Variants in USP46 observed in about 807,000 individuals in gnomAD.
The protein encoded by USP46 is ubiquitin specific peptidase 46.
A neutral mutation model predicts 44.4 loss-of-function variants in USP46; 12 were observed. The ratio of observed to expected loss-of-function variants is 0.27; its 90% confidence interval spans 0.17 to 0.44. USP46 has a LOEUF of 0.44. USP46 is among the 20% of genes least tolerant of loss of function. The pLI, the probability that USP46 is intolerant of heterozygous loss-of-function variation, is 1.00. For missense variants in USP46, 248 were observed against 444.8 expected, an observed-to-expected ratio of 0.56 and a Z score of 3.98; for synonymous variants, 155 against 161.5, an observed-to-expected ratio of 0.96 and a Z score of 0.31.
intron 1 of USP46, among the ~76,000 whole-genome samples, chr4:52,643,950 A>T (rs1266459641): frequency 6.6e-6 from 1 of 152,138 alleles, no homozygotes; most frequent in Non-Finnish European, 1.5e-5. Context: ...TTAGCTACAG[A>T]TGTAAGGCTT....
In USP46 at chr4:52,629,065, ATAAC is replaced by A. The variant is rs531748201; in HGVS notation, c.118-906_118-903del. On this transcript the variant is annotated intron_variant, in intron 2 of 8. Transcript: ENST00000441222. ...ATTTAAAGAAAAAAATTCTAAGGAA[ATAAC>A]TAACAAGATTAATAACACAGATTAT... 3.0e-4 allele frequency among the ~76,000 whole-genome samples: 46 copies of A among 152,370 alleles called. No individual in the cohort carries two copies. The South Asian group carries it at 8.5e-3, about 28-fold the overall frequency.
chr4:52,651,858 C>CA (rs1315865156), intron 1 of USP46, among the ~76,000 whole-genome samples: 1 of 152,202 alleles, frequency 6.6e-6, no homozygotes, highest in African/African-American at 2.4e-5. Context: ...TCTCAAAATT[C>CA]AAGGTATCTT....
At chr4:52,607,415 C>A (rs905849565) in intron 5 of USP46, among the ~76,000 whole-genome samples, 1 of 152,206 alleles carries the variant, frequency 6.6e-6, no homozygotes, top group Non-Finnish European at 1.5e-5. Flanking sequence ...ACAAGAGGGG[C>A]ACTTGCTCTT....
chr4:52,650,933 C>G (rs1337327541), intron 1 of USP46: 1 of 151,940 alleles, frequency 6.6e-6, no homozygotes, highest in Non-Finnish European at 1.5e-5. Context: ...CCTGTCTCTA[C>G]TAAAAATACA....
intron 3 of USP46, 116 bp downstream of exon 3, chr4:52,627,834 A>T: frequency 1.7e-6 from 2 of 1,156,656 alleles, no homozygotes; most frequent in Non-Finnish European, 2.4e-6. Context: ...CCGAGTAGTT[A>T]ACCATGCTTA....
At chr4:52,613,313 C>T (rs907493007) in intron 4 of USP46, among the ~76,000 whole-genome samples, 8 of 152,158 alleles carry the variant, frequency 5.3e-5, no homozygotes, top group African/African-American at 1.9e-4. Context: ...TGGCTATTAA[C>T]AAAATGGCTG....
intron 1 of USP46, among the ~76,000 whole-genome samples, chr4:52,651,525 G>A (rs1050418225): frequency 2.6e-5 from 4 of 152,126 alleles, no homozygotes; most frequent in African/African-American, 4.8e-5. Flanking sequence ...ATGAAGTGTA[G>A]AGAATACTTT....
At chr4:52,657,793 A>G (rs1441246066) in intron 1 of USP46, among the ~76,000 whole-genome samples, 1 of 152,226 alleles carries the variant, frequency 6.6e-6, no homozygotes, top group Admixed American at 6.5e-5. Flanking sequence ...GGGAGGCCCC[A>G]GCATTTGCTT....
In USP46 at chr4:52,626,248, C is replaced by A; in HGVS notation, c.332-1G>T. ...TGCTGCATGTAGTTATCAAAGAGAT[C>A]TGGAAAGGAGAAGGTGGTTATTTCA... is the stretch of plus-strand genomic sequence containing the variant. On this transcript the variant is annotated splice_acceptor_variant, in intron 3 of 8. Coordinates refer to ENST00000441222, the MANE Select transcript of USP46 (RefSeq NM_022832.4). LOFTEE classifies it high-confidence loss of function. 1.2e-6 allele frequency: 2 copies of A among 1,609,268 alleles called. No individual in the cohort carries two copies. The highest frequency in any genetic ancestry group is 1.1e-5 in the South Asian group (1 of 89,912).
intron 4 of USP46, among the ~76,000 whole-genome samples, chr4:52,614,088 GA>G (rs1006131168): frequency 6.6e-6 from 1 of 152,008 alleles, no homozygotes; most frequent in Non-Finnish European, 1.5e-5. Context: ...GGTGACAGAG[GA>G]AAAAACAAGT....
intron 7 of USP46, among the ~76,000 whole-genome samples, chr4:52,600,230 C>A (rs1716414638): frequency 6.6e-6 from 1 of 151,934 alleles, no homozygotes; most frequent in Non-Finnish European, 1.5e-5. Flanking sequence ...GGCATGGAAT[C>A]CAGAATATAT....
At chr4:52,598,593 C>T (rs1468473351) in intron 8 of USP46, 35 bp downstream of exon 8, 3 of 1,572,828 alleles carry the variant, frequency 1.9e-6, no homozygotes, top group Non-Finnish European at 2.6e-6. Context: ...ACTACTGATG[C>T]TCTATGACTA....
intron 6 of USP46, among the ~76,000 whole-genome samples, chr4:52,603,551 G>A (rs1716560360): frequency 6.6e-6 from 1 of 152,190 alleles, no homozygotes; most frequent in South Asian, 2.1e-4. Context: ...TTCGCAGGAT[G>A]ACTGAAATGG....
At chr4:52,652,253 CAT>C (rs1718793816) in intron 1 of USP46, among the ~76,000 whole-genome samples, 1 of 152,190 alleles carries the variant, frequency 6.6e-6, no homozygotes, top group Admixed American at 6.5e-5. Context: ...TATCTGCAAA[CAT>C]GTGAAGCAAC....
intron 2 of USP46, among the ~76,000 whole-genome samples, chr4:52,629,401 T>C (rs1717721198): frequency 6.6e-6 from 1 of 152,184 alleles, no homozygotes; most frequent in African/African-American, 2.4e-5. Flanking sequence ...GAAATGGCCT[T>C]AATTCTTTCT....
At position 52,595,290 on chromosome 4, in the gene USP46, T is replaced by C. The variant is rs1716181383; in HGVS notation, c.*2350A>G. On this transcript the variant is annotated 3_prime_UTR_variant, in exon 9 of 9. Coordinates refer to ENST00000441222, the MANE Select transcript of USP46 (RefSeq NM_022832.4). The stretch of plus-strand genomic sequence containing the variant: ...ACTGTCTTTACATAAAGAGACATGA[T>C]TGGGAGAAACCTGCAGCTGCCCAGT... 6.6e-6 allele frequency: 1 copy of C among 152,616 alleles called. No homozygotes were observed. Among genetic ancestry groups the C allele is most frequent in the African/African-American group, 2.4e-5 (1 of 41,442 alleles). 9.5% of individuals were successfully genotyped at this position (152,616 alleles called of 1,614,324 possible).
Position 52,596,867 on chromosome 4 carries a change from A to C in USP46, c.*773T>G, listed in dbSNP as rs1410057188. The C allele has an allele frequency of 6.6e-6, 1 of 152,642 alleles. No individual in the cohort carries two copies. Among genetic ancestry groups the C allele is most frequent in the East Asian group, 1.9e-4 (1 of 5,194 alleles). The allele number at this position is 152,642 out of a possible 1,614,324, so 9.5% of individuals were successfully genotyped here. A position where few individuals can be genotyped will look rare whatever the true frequency, so the allele number is the denominator to read the frequency against. Reference sequence around the variant, plus strand: ...CAGGGCCTTACATAAGTGTCACTGAAAATAAACAACATAGAGTTATTTTCC... The same window carrying C: ...CAGGGCCTTACATAAGTGTCACTGACAATAAACAACATAGAGTTATTTTCC... On this transcript the variant is annotated 3_prime_UTR_variant, in exon 9 of 9. Transcript: ENST00000441222.
At chr4:52,641,107 C>T (rs1718326713) in intron 1 of USP46, among the ~76,000 whole-genome samples, 1 of 151,992 alleles carries the variant, frequency 6.6e-6, no homozygotes, top group Admixed American at 6.6e-5. Flanking sequence ...AAGTATGTTA[C>T]AAACCCAAGA....
Position 52,597,652 on chromosome 4 carries a change from C to A in USP46, c.1089G>T (p.Gln363His), listed in dbSNP as rs1165544247. ...GCAGGTCTTTCAGTTACTCTCTTGACTGATAGAATAAAATATATCCAGATT... is the reference window on the plus strand; with the variant it reads ...GCAGGTCTTTCAGTTACTCTCTTGAATGATAGAATAAAATATATCCAGATT... ...NSESGYILFYQSRE is the reference protein window; with the variant it reads ...NSESGYILFYHSRE The change falls in exon 9 of 9, where the codon CAG becomes CAT. Residue 363 changes from glutamine to histidine, a missense_variant. Gln to His is a conservative substitution (Grantham distance 24). Around this residue, in one of 5 missense-constraint regions of USP46, gnomAD observed 28 missense variants for 28.5 expected, o/e 0.98. Coordinates refer to ENST00000441222, the MANE Select transcript of USP46 (RefSeq NM_022832.4). 2 of 1,585,712 alleles carry A rather than the reference C, an allele frequency of 1.3e-6. No individual in the cohort carries two copies. Among genetic ancestry groups the A allele is most frequent in the Admixed American group, 3.6e-5 (2 of 55,882 alleles).
Sources: gnomAD v4.1 joint callset for allele counts (sites outside exome capture counted in the v4.1 genomes callset) on GRCh38, gnomAD v4.1.1 for gene constraint, gnomAD v4.1.1 regional missense constraint, MANE v1.5 for transcripts, NCBI Gene and HGNC (gene_info 2026-07-23, HGNC 2026-07-21) for gene names.